Variants in KLF12 observed in about 807,000 individuals in gnomAD.
KLF12 encodes the protein KLF transcription factor 12, also known as Krueppel-like factor 12.
KLF12 carries 9 observed loss-of-function variants against 37.8 expected under a neutral mutation model. The ratio of observed to expected loss-of-function variants is 0.24; its 90% CI spans 0.14 to 0.42. KLF12 has a LOEUF of 0.42. Ranked by LOEUF, KLF12 falls within the 10% of genes least tolerant of loss-of-function variation. The pLI is 1.00. For synonymous variants in KLF12, 208 were observed against 202.1 expected (o/e 1.03, Z -0.25); for missense variants, 411 against 516.0 (o/e 0.80, Z 1.97).
intron 5 of KLF12, among the ~76,000 whole-genome samples, chr13:73,805,668 GGAAGGAAGGA>G (rs1882559822): frequency 1.9e-5 from 2 of 104,164 alleles, no homozygotes; most frequent in Non-Finnish European, 4.1e-5. Flanking sequence ...AAGGAAGGAA[GGAAGGAAGGA>G]AGGAAGGAAG....
At chr13:74,082,812 AC>A (rs1289079083) in intron 1 of KLF12, among the ~76,000 whole-genome samples, 1 of 152,148 alleles carries the variant, frequency 6.6e-6, no homozygotes. Flanking sequence ...GATTAAACAA[AC>A]AAAGCCAGGG....
intron 1 of KLF12, among the ~76,000 whole-genome samples, chr13:74,081,484 G>A (rs1178937965): frequency 1.3e-5 from 2 of 152,016 alleles, no homozygotes; most frequent in Admixed American, 1.3e-4. Flanking sequence ...ATGCTTAATA[G>A]TATTACATTT....
At chr13:73,980,309 G>A (rs1891658275) in intron 2 of KLF12, among the ~76,000 whole-genome samples, 1 of 152,154 alleles carries the variant, frequency 6.6e-6, no homozygotes, top group East Asian at 1.9e-4. Context: ...AATCCTTAAA[G>A]AGTAGATAAT....
chr13:73,795,284 C>CA (rs1399104683), intron 5 of KLF12, among the ~76,000 whole-genome samples: 1 of 152,180 alleles, frequency 6.6e-6, no homozygotes, highest in South Asian at 2.1e-4. Context: ...CTGTAATGCA[C>CA]AAAAAAATTT....
the KLF12 span, among the ~76,000 whole-genome samples, chr13:74,180,529 T>A: frequency 1.3e-5 from 2 of 152,238 alleles, no homozygotes; most frequent in African/African-American, 2.4e-5. Flanking sequence ...TTTATAAGGT[T>A]CTTCACAATC....
intron 5 of KLF12, among the ~76,000 whole-genome samples, chr13:73,766,333 G>A (rs979141061): frequency 1.3e-5 from 2 of 152,202 alleles, no homozygotes; most frequent in African/African-American, 4.8e-5. Context: ...TAGTGGAAAT[G>A]ACAGACTCAG....
At chr13:74,275,836 TTC>T in the KLF12 span, among the ~76,000 whole-genome samples, 2 of 121,132 alleles carry the variant, frequency 1.7e-5, no homozygotes, top group East Asian at 4.4e-4. Context: ...CTTTCTTTCT[TTC>T]TTTCTTTCTT....
intron 1 of KLF12, among the ~76,000 whole-genome samples, chr13:74,097,988 C>G (rs1876079006): frequency 6.6e-6 from 1 of 152,078 alleles, no homozygotes; most frequent in Non-Finnish European, 1.5e-5. Flanking sequence ...AAAATGGCAA[C>G]AACCAACTGG....
At chr13:74,003,649 A>G (rs1432230275) in intron 1 of KLF12, among the ~76,000 whole-genome samples, 2 of 152,172 alleles carry the variant, frequency 1.3e-5, no homozygotes, top group South Asian at 4.1e-4. Flanking sequence ...ACGATTCTTG[A>G]TATTTCTGAC....
rs114404737 is a variant in KLF12, at chr13:74,021,437, C to T, written c.-31-26384G>A. Among the ~76,000 whole-genome samples the T allele has an allele frequency of 3.6e-3, 552 of 152,212 alleles. 3 individuals carry two copies. Among genetic ancestry groups the T allele is most frequent in the African/African-American group, 0.013 (526 of 41,518 alleles). On this transcript the variant is annotated intron_variant, in intron 1 of 7. Transcript: ENST00000377669. ...TCAGTAGAAGAGGCTACAAATAGGA[C>T]ATGATGTTCGTTTGTGACGCAGGGG... is the stretch of plus-strand genomic sequence containing the variant.
intron 5 of KLF12, among the ~76,000 whole-genome samples, chr13:73,809,357 A>G (rs539068747): frequency 7.5e-6 from 1 of 132,474 alleles, no homozygotes; most frequent in East Asian, 3.4e-4. Context: ...AGTCATCAAG[A>G]TACGGAAAGA....
chr13:74,071,225 C>T (rs1191183757), intron 1 of KLF12, among the ~76,000 whole-genome samples: 1 of 152,104 alleles, frequency 6.6e-6, no homozygotes, highest in Non-Finnish European at 1.5e-5. Flanking sequence ...AATTTTATAA[C>T]ACCATTTGTC....
chr13:73,772,715 C>T (rs2875666), intron 5 of KLF12, among the ~76,000 whole-genome samples: 129,186 of 152,090 alleles, frequency 0.85, 55,329 homozygotes, highest in Middle Eastern at 0.95. Context: ...CAAAGGATTT[C>T]AAGATTGGAA....
chr13:73,956,486 A>G (rs1195089119), intron 2 of KLF12, among the ~76,000 whole-genome samples: 1 of 151,304 alleles, frequency 6.6e-6, no homozygotes, highest in Non-Finnish European at 1.5e-5. Context: ...TTCTGCCACT[A>G]TATCCCAGTA....
intron 2 of KLF12, among the ~76,000 whole-genome samples, chr13:73,945,568 T>C (rs1275172282): frequency 6.6e-6 from 1 of 152,234 alleles, no homozygotes; most frequent in Admixed American, 6.5e-5. Context: ...AGTGAAACTA[T>C]TTCTCATATT....
chr13:74,032,722 A>G (rs1032953680), intron 1 of KLF12, among the ~76,000 whole-genome samples: 1 of 151,892 alleles, frequency 6.6e-6, no homozygotes, highest in African/African-American at 2.4e-5. Context: ...TTAAATACAG[A>G]TTACCTCTTC....
the KLF12 span, among the ~76,000 whole-genome samples, chr13:74,262,760 C>G: frequency 9.9e-5 from 15 of 151,990 alleles, no homozygotes; most frequent in Admixed American, 2.6e-4. Context: ...TGCATGATCC[C>G]GACTCAGTTA....
At chr13:73,875,828 T>A (rs1441047773) in intron 3 of KLF12, among the ~76,000 whole-genome samples, 2 of 152,214 alleles carry the variant, frequency 1.3e-5, no homozygotes, top group Non-Finnish European at 2.9e-5. Context: ...AGTAAAACTA[T>A]CTTCACCCAA....
intron 1 of KLF12, among the ~76,000 whole-genome samples, chr13:74,071,568 C>T (rs1208211984): frequency 1.3e-5 from 2 of 151,992 alleles, no homozygotes; most frequent in African/African-American, 2.4e-5. Flanking sequence ...TGGCAGGCGC[C>T]TGTAGTCCCA....
Sources: gnomAD v4.1 joint callset for allele counts (sites outside exome capture counted in the v4.1 genomes callset) on GRCh38, gnomAD v4.1.1 for gene constraint, MANE v1.5 for transcripts, NCBI Gene and HGNC (gene_info 2026-07-23, HGNC 2026-07-21) for gene names.